Variants in ZNF223 observed in about 807,000 individuals in gnomAD.
ZNF223 encodes the protein Homo sapiens zinc finger protein 223.
A neutral mutation model predicts 12.3 loss-of-function variants in ZNF223; 9 were observed. The observed-to-expected ratio is 0.73, with a 90% CI of 0.44 to 1.28. The LOEUF (loss-of-function observed/expected upper bound fraction) is 1.28. Among genes scored for constraint, ZNF223 ranks in the 50% most tolerant of loss-of-function variants. ZNF223 has a pLI of 0.00. For missense variants in ZNF223, 506 were observed against 579.0 expected (o/e 0.87, Z 1.29); for synonymous variants, 171 against 195.2 (o/e 0.88, Z 1.03).
chr19:44,059,275 G>A (rs1976807045), intron 2 of ZNF223, among the ~76,000 whole-genome samples: 1 of 152,162 alleles, frequency 6.6e-6, no homozygotes, highest in African/African-American at 2.4e-5. Flanking sequence ...AAGGAACATG[G>A]TGCGAGAAAG....
rs1717092142 is a variant in ZNF223 at position 44,067,964 on chromosome 19, A to AT, written c.*689dup. ...TGAGACCCTGTCTCCAAAAAAAAAA[A>AT]TTAAATAAATACCTTTCTTTGTTTC... On this transcript the variant is annotated 3_prime_UTR_variant, in exon 5 of 5. Coordinates refer to ENST00000434772, the MANE Select transcript of ZNF223 (RefSeq NM_013361.6). The AT allele has an allele frequency of 6.5e-6, 1 of 153,678 alleles. No individual in the cohort carries two copies. Among genetic ancestry groups the AT allele is most frequent in the African/African-American group, 2.4e-5 (1 of 41,444 alleles). The allele number at this position is 153,678 out of a possible 1,614,324, so 9.5% of individuals were successfully genotyped here.
At chr19:44,051,938 C>A (rs1319028246), upstream of ZNF223, 2 of 152,310 alleles carry the variant, frequency 1.3e-5, no homozygotes, top group South Asian at 2.1e-4. Context: ...AGACACTCTG[C>A]GGAGTCCCGG....
At chr19:44,065,270 T>A (rs1238014584) in intron 4 of ZNF223, among the ~76,000 whole-genome samples, 3 of 152,232 alleles carry the variant, frequency 2.0e-5, no homozygotes, top group African/African-American at 7.2e-5. Flanking sequence ...CTTTTCTTAT[T>A]TTTAAAAATG....
Position 44,060,810 on chromosome 19 carries a change from G to A in ZNF223, c.204G>A (p.Met68Ile). Residue 68 changes from methionine (M) to isoleucine (I), a missense_variant, in exon 4 of 5, where the codon ATG (methionine) becomes ATA (isoleucine). Met to Ile is a conservative substitution (Grantham distance 10). Transcript: ENST00000434772. ...TAAGGGAGGAAAAGTTTTGGATGAT[G>A]GATATAGCAACCCAAAGGGAAGGGA... ...HFLREEKFWM[M>I]DIATQREGNS... 1 of 1,613,780 alleles carries A rather than the reference G, an allele frequency of 6.2e-7. No individual in the cohort carries two copies. Among genetic ancestry groups the A allele is most frequent in the African/African-American group, 1.3e-5 (1 of 74,962 alleles).
At chr19:44,064,767 A>G (rs1025471945) in intron 4 of ZNF223, among the ~76,000 whole-genome samples, 1 of 152,186 alleles carries the variant, frequency 6.6e-6, no homozygotes, top group South Asian at 2.1e-4. Context: ...CCAAGGGGGA[A>G]AAACCAAATA....
At chr19:44,057,529 A>T (rs111412352) in intron 2 of ZNF223, among the ~76,000 whole-genome samples, 1 of 152,216 alleles carries the variant, frequency 6.6e-6, no homozygotes, top group African/African-American at 2.4e-5. Context: ...GCTAATGTTC[A>T]TTAAACAGTC....
chr19:44,056,608 T>TTTTG, intron 2 of ZNF223, among the ~76,000 whole-genome samples: 1 of 134,910 alleles, frequency 7.4e-6, no homozygotes, highest in Non-Finnish European at 1.5e-5. Context: ...TTTTTTTTTT[T>TTTTG]TTTGAGATAG....
rs1199469596 is a variant in ZNF223 at position 44,066,124 on chromosome 19, C to G, written c.296C>G (p.Ser99Cys). ...FPEAGPHEGW[S>C]CQQIWEEIAS... ...GAAGCAGGACCACATGAAGGGTGGT[C>G]CTGCCAGCAGATCTGGGAAGAAATT... The change falls in exon 5 of 5, where the codon TCC becomes TGC. Residue 99 changes from serine (S) to cysteine (C), a missense_variant. Coordinates refer to ENST00000434772, the MANE Select transcript of ZNF223 (RefSeq NM_013361.6). The G allele has an allele frequency of 1.2e-6, 2 of 1,613,722 alleles. No individual in the cohort carries two copies. The highest frequency in any genetic ancestry group is 4.5e-5 in the East Asian group (2 of 44,868).
chr19:44,054,122 G>T (rs1055078597), intron 1 of ZNF223, among the ~76,000 whole-genome samples: 1 of 150,552 alleles, frequency 6.6e-6, no homozygotes, highest in African/African-American at 2.4e-5. Context: ...TTTAGGTTTA[G>T]ATTATACATT....
In ZNF223 at chr19:44,067,420, C is replaced by A; in HGVS notation, c.*143C>A. The A allele has an allele frequency of 9.6e-7, 1 of 1,040,900 alleles. No individual in the cohort carries two copies. Among genetic ancestry groups the A allele is most frequent in the Non-Finnish European group, 1.4e-6 (1 of 697,382 alleles). 64.5% of individuals were successfully genotyped at this position (1,040,900 alleles called of 1,614,324 possible). A position where few individuals can be genotyped will look rare whatever the true frequency, so the allele number is the denominator to read the frequency against. On this transcript the variant is annotated 3_prime_UTR_variant, in exon 5 of 5. Coordinates refer to ENST00000434772, the MANE Select transcript of ZNF223 (RefSeq NM_013361.6). ...GAAAATTAAAAATTCATTGTTCCAG[C>A]AGTTTGAAAATAAATTGTTGTCGAT...
rs774971796 is a variant in ZNF223 at position 44,066,275 on chromosome 19, T to A, written c.447T>A (p.Asn149Lys). 6.2e-6 allele frequency: 10 copies of A among 1,614,244 alleles called. No homozygotes were observed. Among genetic ancestry groups the A allele is most frequent in the Non-Finnish European group, 8.5e-6 (10 of 1,180,032 alleles). Residue 149 changes from asparagine (N) to lysine (K), a missense_variant, in exon 5 of 5, where the codon AAT (asparagine) becomes AAA (lysine). By Grantham distance (94) the Asn-to-Lys change is moderately conservative (BLOSUM62 0). Coordinates refer to ENST00000434772, the MANE Select transcript of ZNF223 (RefSeq NM_013361.6). ...SIMHTGQKPS[N>K]CGKCKQSFSD... ...TGCACACAGGACAGAAACCTTCCAA[T>A]TGTGGGAAGTGTAAACAATCCTTCA... is the stretch of plus-strand genomic sequence containing the variant.
intron 1 of ZNF223, among the ~76,000 whole-genome samples, chr19:44,054,197 A>T (rs1976737061): frequency 6.8e-6 from 1 of 146,568 alleles, no homozygotes. Context: ...TGTTTGAGAC[A>T]GTTTTGCTCT....
At position 44,067,228 on chromosome 19, in the gene ZNF223, G is replaced by A. The variant is rs774663509; in HGVS notation, c.1400G>A (p.Arg467Lys). 4 of 1,607,348 alleles carry A rather than the reference G, an allele frequency of 2.5e-6. No individual in the cohort carries two copies. The highest frequency in any genetic ancestry group is 1.3e-5 in the African/African-American group (1 of 74,308). Reference protein sequence around the residue: ...KCEDCGKRYKRRLNLDIILSL... With the variant: ...KCEDCGKRYKKRLNLDIILSL... The stretch of plus-strand genomic sequence containing the variant: ...GAAGACTGTGGGAAGCGCTACAAGA[G>A]GCGCTTGAATCTTGATATAATTTTA... Residue 467 changes from arginine (R) to lysine (K), a missense_variant, in exon 5 of 5, where the codon AGG (arginine) becomes AAG (lysine). Physicochemically the swap from Arg to Lys is conservative, Grantham distance 26. Transcript: ENST00000434772.
intron 4 of ZNF223, among the ~76,000 whole-genome samples, chr19:44,064,646 A>C (rs748313309): frequency 9.9e-5 from 15 of 152,158 alleles, no homozygotes; most frequent in Non-Finnish European, 1.8e-4. Flanking sequence ...GCAGTTTTTC[A>C]AAACTACCTT....
At chr19:44,064,051 A>G (rs141390385) in intron 4 of ZNF223, among the ~76,000 whole-genome samples, 76 of 152,352 alleles carry the variant, frequency 5.0e-4, no homozygotes, top group African/African-American at 1.8e-3. Flanking sequence ...AGCATGAACC[A>G]TAATAAGAAA....
At chr19:44,060,662 C>T (rs1301909497) in intron 3 of ZNF223, 81 bp downstream of exon 3, 3 of 1,613,070 alleles carry the variant, frequency 1.9e-6, no homozygotes, top group Non-Finnish European at 2.5e-6. Context: ...TTTGAGTGTG[C>T]AGTGGGAACC....
Position 44,066,603 on chromosome 19 carries a change from CATT to C in ZNF223, c.778_780del (p.Tyr260del), listed in dbSNP as rs780795885. 144 of 1,613,952 alleles carry C rather than the reference CATT, an allele frequency of 8.9e-5. No individual in the cohort carries two copies. The highest frequency in any genetic ancestry group is 6.6e-4 in the Middle Eastern group (4 of 6,084). ...TTGCAAATTACACATGGGAGAGAAA[CATT>C]ATAATTGTGAGGCATGTGGGAGGGC... On this transcript the variant is annotated inframe_deletion, in exon 5 of 5. Coordinates refer to ENST00000434772, the MANE Select transcript of ZNF223 (RefSeq NM_013361.6).
At chr19:44,054,647 A>C (rs916700801) in intron 1 of ZNF223, among the ~76,000 whole-genome samples, 1 of 152,162 alleles carries the variant, frequency 6.6e-6, no homozygotes. Flanking sequence ...TCATCATCAT[A>C]ATTCAGCCGA....
chr19:44,065,924 G>A, intron 4 of ZNF223, 140 bp from the exon 5 acceptor site: 2 of 1,403,352 alleles, frequency 1.4e-6, no homozygotes, highest in Non-Finnish European at 1.9e-6. Flanking sequence ...TTACTCTCAT[G>A]CAAACCAGAA....
Sources: allele counts gnomAD v4.1 joint callset (sites outside exome capture counted in the v4.1 genomes callset), GRCh38; gene constraint gnomAD v4.1.1; transcripts MANE v1.5; gene names NCBI Gene and HGNC (gene_info 2026-07-23, HGNC 2026-07-21).